Variants in NECAB1 observed in about 807,000 individuals in gnomAD.
NECAB1 encodes N-terminal EF-hand calcium-binding protein 1.
NECAB1 carries 29 observed loss-of-function variants against 57.5 expected under a neutral mutation model. The ratio of observed to expected loss-of-function variants is 0.50; its 90% CI spans 0.38 to 0.69. The LOEUF is 0.69. NECAB1 is among the 30% of genes least tolerant of loss of function. The probability of loss-of-function intolerance (pLI) is 0.00; values close to 1 mark genes in which losing one functional copy is unlikely to be tolerated. For missense variants in NECAB1, 372 were observed against 413.8 expected, an observed-to-expected ratio of 0.90 and a Z score of 0.88; for synonymous variants, 142 against 147.7, an observed-to-expected ratio of 0.96 and a Z score of 0.28.
chr8:90,831,948 G>T (rs1467818560), intron 3 of NECAB1, among the ~76,000 whole-genome samples: 2 of 152,072 alleles, frequency 1.3e-5, no homozygotes, highest in African/African-American at 4.8e-5. Flanking sequence ...ATACAGGTGT[G>T]CTTTTTACCA....
chr8:90,812,115 A>C (rs1811970034), intron 2 of NECAB1, among the ~76,000 whole-genome samples: 1 of 152,346 alleles, frequency 6.6e-6, no homozygotes, highest in Admixed American at 6.5e-5. Context: ...TAGCTGAAAA[A>C]GCAGTGATTA....
intron 6 of NECAB1, among the ~76,000 whole-genome samples, chr8:90,922,489 T>TTTTTTTTG: frequency 8.2e-6 from 1 of 122,636 alleles, no homozygotes; most frequent in African/African-American, 3.3e-5. Context: ...AACTTGGATT[T>TTTTTTTTG]TTTTTTTTTT....
chr8:90,808,639 T>C (rs1811896621), intron 2 of NECAB1, among the ~76,000 whole-genome samples: 1 of 137,410 alleles, frequency 7.3e-6, no homozygotes, highest in Non-Finnish European at 1.5e-5. Flanking sequence ...TTTTTTCTTT[T>C]CTTTTTTTTT....
chr8:90,944,682 A>G (rs1288073768), intron 10 of NECAB1, among the ~76,000 whole-genome samples: 1 of 152,236 alleles, frequency 6.6e-6, no homozygotes, highest in Non-Finnish European at 1.5e-5. Context: ...AAGGTAGAGC[A>G]CAATTAAAAT....
At chr8:90,795,091 C>T (rs998671283) in intron 1 of NECAB1, among the ~76,000 whole-genome samples, 1 of 152,222 alleles carries the variant, frequency 6.6e-6, no homozygotes, top group African/African-American at 2.4e-5. Flanking sequence ...TATTGCTTTT[C>T]CTTTTACACC....
At chr8:90,880,351 T>C (rs1335532947) in intron 4 of NECAB1, among the ~76,000 whole-genome samples, 2 of 152,172 alleles carry the variant, frequency 1.3e-5, no homozygotes, top group African/African-American at 2.4e-5. Flanking sequence ...GCTTTCATTA[T>C]AGAAATGCAT....
At chr8:90,829,587 G>A (rs1307861570) in intron 3 of NECAB1, among the ~76,000 whole-genome samples, 2 of 152,032 alleles carry the variant, frequency 1.3e-5, no homozygotes, top group Non-Finnish European at 2.9e-5. Context: ...ATGGGAGTCT[G>A]TGGCTAGAGA....
rs141946433 is a variant in NECAB1 at position 90,927,805 on chromosome 8, G to GTT, written c.617-408_617-407dup. Among the ~76,000 whole-genome samples, 20 of 144,778 alleles carry GTT rather than the reference G, an allele frequency of 1.4e-4. 1 individual carries two copies. The highest frequency in any genetic ancestry group is 3.8e-4 in the African/African-American group (15 of 39,128). 95.0% of individuals were successfully genotyped at this position (144,778 alleles called of 152,430 possible). The stretch of plus-strand genomic sequence containing the variant: ...AGACACCAACTATCTTGCCCTTATG[G>GTT]TTTTTTTTTTTATCGTAGCAATTTA... On this transcript the variant is annotated intron_variant, in intron 7 of 12. Transcript: ENST00000417640.
rs1336215073 is a variant in NECAB1, at chr8:90,957,728, C to A, written c.*2216C>A. 1.4e-5 allele frequency: 2 copies of A among 146,736 alleles called. No homozygotes were observed. The highest frequency in any genetic ancestry group is 2.6e-5 in the African/African-American group (1 of 39,108). 9.1% of individuals were successfully genotyped at this position (146,736 alleles called of 1,614,324 possible). A position where few individuals can be genotyped will look rare whatever the true frequency, so the allele number is the denominator to read the frequency against. The stretch of plus-strand genomic sequence containing the variant: ...AGAAAAAAAAAGAAAAAACTGGGAC[C>A]TAAGTATAAATATCTCATCCTAAAG... On this transcript the variant is annotated 3_prime_UTR_variant, in exon 13 of 13. Coordinates refer to ENST00000417640, the MANE Select transcript of NECAB1 (RefSeq NM_022351.5).
rs1256608710 is a variant in NECAB1 at position 90,955,632 on chromosome 8, C to T, written c.*120C>T. 3 of 634,036 alleles carry T rather than the reference C, an allele frequency of 4.7e-6. No homozygotes were observed. The highest frequency in any genetic ancestry group is 7.8e-6 in the Non-Finnish European group (3 of 384,882). The allele number at this position is 634,036 out of a possible 1,614,324, so 39.3% of individuals were successfully genotyped here. ...TGTATATTTTTGTTTGGTATATTTA[C>T]TAAGTGCACTCTTTCAAAACTTATT... On this transcript the variant is annotated 3_prime_UTR_variant, in exon 13 of 13. Transcript: ENST00000417640.
chr8:90,801,849 T>A (rs1811763927), intron 2 of NECAB1, 134 bp downstream of exon 2: 1 of 577,666 alleles, frequency 1.7e-6, no homozygotes, highest in Non-Finnish European at 2.9e-6. Flanking sequence ...CTAGTGATCG[T>A]TTTAGATAAG....
intron 6 of NECAB1, among the ~76,000 whole-genome samples, chr8:90,921,348 T>C (rs910470246): frequency 6.6e-6 from 1 of 152,002 alleles, no homozygotes; most frequent in Non-Finnish European, 1.5e-5. Flanking sequence ...TAAAGGAAGA[T>C]TTTGTGATGC....
At chr8:90,887,578 G>A (rs2129924871) in intron 5 of NECAB1, among the ~76,000 whole-genome samples, 1 of 152,282 alleles carries the variant, frequency 6.6e-6, no homozygotes, top group Non-Finnish European at 1.5e-5. Context: ...TCAGAAAAGG[G>A]AGAGGTCAGT....
chr8:90,952,179 G>A (rs1333926562), intron 12 of NECAB1, among the ~76,000 whole-genome samples: 2 of 151,412 alleles, frequency 1.3e-5, no homozygotes, highest in Non-Finnish European at 2.9e-5. Flanking sequence ...TCATGGAGAG[G>A]AGAGAGATTA....
At chr8:90,949,218 AAG>A (rs1810877269) in intron 10 of NECAB1, among the ~76,000 whole-genome samples, 1 of 105,590 alleles carries the variant, frequency 9.5e-6, no homozygotes, top group Non-Finnish European at 2.0e-5. Flanking sequence ...GAGAGTTTGA[AAG>A]AGAGGGAGAA....
intron 4 of NECAB1, among the ~76,000 whole-genome samples, chr8:90,874,604 G>A (rs1378224625): frequency 2.0e-5 from 3 of 152,262 alleles, no homozygotes; most frequent in South Asian, 2.1e-4. Flanking sequence ...TTTTCCAACA[G>A]TGAGATTATA....
At chr8:90,880,445 T>C (rs190139497) in intron 4 of NECAB1, among the ~76,000 whole-genome samples, 20 of 152,200 alleles carry the variant, frequency 1.3e-4, no homozygotes, top group Admixed American at 1.3e-3. Context: ...TCCATACTTT[T>C]AATTTTAATC....
At chr8:90,904,354 AT>A (rs1470389045) in intron 5 of NECAB1, among the ~76,000 whole-genome samples, 1 of 151,942 alleles carries the variant, frequency 6.6e-6, no homozygotes, top group Non-Finnish European at 1.5e-5. Context: ...ATGTTAATAT[AT>A]TTATATAAAT....
chr8:90,866,286 G>A (rs1808511280), intron 3 of NECAB1, among the ~76,000 whole-genome samples: 1 of 152,202 alleles, frequency 6.6e-6, no homozygotes, highest in South Asian at 2.1e-4. Flanking sequence ...TGCTTAGTCT[G>A]CCAATAAACC....
Sources: gnomAD v4.1 joint callset for allele counts (sites outside exome capture counted in the v4.1 genomes callset) on GRCh38, gnomAD v4.1.1 for gene constraint, MANE v1.5 for transcripts, NCBI Gene and HGNC (gene_info 2026-07-23, HGNC 2026-07-21) for gene names.